The following PPHLN1 variants were observed in gnomAD, a reference collection of about 807,000 sequenced individuals.
The protein encoded by PPHLN1 is periphilin 1.
PPHLN1 carries 29 observed loss-of-function variants against 51.3 expected under a neutral mutation model. The observed-to-expected ratio is 0.57, with a 90% CI of 0.42 to 0.77. The LOEUF (loss-of-function observed/expected upper bound fraction) is 0.77. Among genes scored for constraint, PPHLN1 ranks in the 30% least tolerant of loss-of-function variants. PPHLN1 has a pLI of 0.00. For synonymous variants in PPHLN1, 147 were observed against 147.8 expected, an observed-to-expected ratio of 0.99 and a Z score of 0.04; for missense variants, 436 against 438.4, an observed-to-expected ratio of 0.99 and a Z score of 0.05.
intron 9 of PPHLN1, among the ~76,000 whole-genome samples, chr12:42,407,401 A>C (rs1167305281): frequency 6.6e-6 from 1 of 152,218 alleles, no homozygotes; most frequent in Non-Finnish European, 1.5e-5. Context: ...GCCTCTCCAC[A>C]GCACTTGCTT....
intron 9 of PPHLN1, chr12:42,399,479 A>C (rs2078589356): frequency 1.1e-6 from 1 of 897,192 alleles, no homozygotes; most frequent in African/African-American, 1.8e-5. Flanking sequence ...ATGTGCAACT[A>C]TTATGGGGTT....
intron 2 of PPHLN1, among the ~76,000 whole-genome samples, chr12:42,339,494 C>G (rs146362169): frequency 6.6e-6 from 1 of 152,154 alleles, no homozygotes; most frequent in African/African-American, 2.4e-5. Flanking sequence ...TGTGTTACAC[C>G]TGCATCTTAG....
At chr12:42,428,466 C>T (rs1566015673) in intron 9 of PPHLN1, among the ~76,000 whole-genome samples, 1 of 152,058 alleles carries the variant, frequency 6.6e-6, no homozygotes, top group Non-Finnish European at 1.5e-5. Context: ...TTGGAATGAG[C>T]GGGGTGAGAT....
chr12:42,397,244 A>G (rs1049184038), intron 8 of PPHLN1, among the ~76,000 whole-genome samples: 1 of 152,086 alleles, frequency 6.6e-6, no homozygotes, highest in Non-Finnish European at 1.5e-5. Flanking sequence ...AGTGTTGGAG[A>G]TAATACAACT....
rs1301518004 is a variant in PPHLN1 at position 42,441,585 on chromosome 12, T to A, written c.*76T>A. On this transcript the variant is annotated 3_prime_UTR_variant, in exon 10 of 10. Transcript: ENST00000358314. ...TTTCCTGGATTGTGTAAATCCTTAA[T>A]ATATGGAATTTTTGTGATGCAGAGA... The A allele has an allele frequency of 2.2e-6, 3 of 1,390,964 alleles. No individual in the cohort carries two copies. Among genetic ancestry groups the A allele is most frequent in the Admixed American group, 6.0e-5 (2 of 33,206 alleles). 86.2% of individuals were successfully genotyped at this position (1,390,964 alleles called of 1,614,324 possible). A position where few individuals can be genotyped will look rare whatever the true frequency, so the allele number is the denominator to read the frequency against.
At chr12:42,394,103 A>G in intron 8 of PPHLN1, among the ~76,000 whole-genome samples, 1 of 152,146 alleles carries the variant, frequency 6.6e-6, no homozygotes, top group East Asian at 1.9e-4. Flanking sequence ...AGATTATCTC[A>G]TAAATATCCC....
At chr12:42,429,534 T>A (rs1328273198) in intron 9 of PPHLN1, among the ~76,000 whole-genome samples, 2 of 152,250 alleles carry the variant, frequency 1.3e-5, no homozygotes, top group Non-Finnish European at 2.9e-5. Context: ...GCAACTCCCA[T>A]GATCTTTTAT....
At chr12:42,355,037 T>G in intron 3 of PPHLN1, 124 bp from the exon 4 acceptor site, 1 of 784,748 alleles carries the variant, frequency 1.3e-6, no homozygotes, top group South Asian at 1.5e-5. Context: ...TGCTGAATGT[T>G]TTTCCCTTTT....
chr12:42,427,093 A>T (rs931440464), intron 9 of PPHLN1, among the ~76,000 whole-genome samples: 1 of 152,144 alleles, frequency 6.6e-6, no homozygotes, highest in African/African-American at 2.4e-5. Context: ...TTTTAGCCTT[A>T]GTCAGATCTA....
At chr12:42,423,265 A>G (rs946253825) in intron 9 of PPHLN1, among the ~76,000 whole-genome samples, 1 of 152,162 alleles carries the variant, frequency 6.6e-6, no homozygotes, top group Non-Finnish European at 1.5e-5. Context: ...CCATTTATAT[A>G]TAATAGTATT....
intron 1 of PPHLN1, among the ~76,000 whole-genome samples, chr12:42,330,435 T>C (rs1379971085): frequency 6.6e-6 from 1 of 152,232 alleles, no homozygotes; most frequent in Admixed American, 6.5e-5. Context: ...GGGAGAAACC[T>C]TGGACAATAC....
At chr12:42,350,228 C>CTGCAATCTCA (rs2073090753) in intron 2 of PPHLN1, 1 of 150,016 alleles carries the variant, frequency 6.7e-6, no homozygotes, top group African/African-American at 2.6e-5. Flanking sequence ...CGGGCAGAGG[C>CTGCAATCTCA]GCTCCTCACC....
chr12:42,401,755 T>C (rs1258015720), intron 9 of PPHLN1, among the ~76,000 whole-genome samples: 1 of 152,184 alleles, frequency 6.6e-6, no homozygotes, highest in African/African-American at 2.4e-5. Context: ...AAAAAAGAGC[T>C]GATTATATAT....
intron 9 of PPHLN1, among the ~76,000 whole-genome samples, chr12:42,437,856 C>T (rs2082618402): frequency 1.3e-5 from 2 of 152,108 alleles, no homozygotes; most frequent in South Asian, 2.1e-4. Flanking sequence ...TTCCACTTTC[C>T]CCTGGCAACT....
intron 9 of PPHLN1, among the ~76,000 whole-genome samples, chr12:42,427,997 T>C (rs2081650116): frequency 6.6e-6 from 1 of 151,818 alleles, no homozygotes; most frequent in Non-Finnish European, 1.5e-5. Context: ...CCAAAAAATA[T>C]ATGAAAAAAT....
chr12:42,388,831 A>C (rs982760024), intron 7 of PPHLN1, among the ~76,000 whole-genome samples: 1 of 152,206 alleles, frequency 6.6e-6, no homozygotes, highest in East Asian at 1.9e-4. Context: ...AGTCCTAGCT[A>C]TTCAGGAGGC....
At chr12:42,434,148 T>C (rs981178519) in intron 9 of PPHLN1, among the ~76,000 whole-genome samples, 1 of 152,168 alleles carries the variant, frequency 6.6e-6, no homozygotes, top group Admixed American at 6.6e-5. Flanking sequence ...TTTGTGGAGC[T>C]GGAGACCATT....
In PPHLN1 at chr12:42,384,864, A is replaced by G. The variant is rs558499966; in HGVS notation, c.512-76A>G. 8 of 1,393,266 alleles carry G rather than the reference A, an allele frequency of 5.7e-6. No individual in the cohort carries two copies. The Admixed American group carries it at 8.5e-5, about 15-fold the overall frequency. 86.3% of individuals were successfully genotyped at this position (1,393,266 alleles called of 1,614,324 possible). ...AGAAGCCCCTGTTCTCATCACTCCT[A>G]CTTCTGAGTTCTTCTCTTGTTCCTC... On this transcript the variant is annotated intron_variant, in intron 5 of 9. Transcript: ENST00000358314.
Position 42,438,218 on chromosome 12 carries a change from C to G in PPHLN1, c.910-3097C>G, listed in dbSNP as rs143779132. ...GGGATTGCTGGATTGTATGGTAAGACTGGGTTTTGCTTTGTAAGAAACTGC... is the reference window on the plus strand; with the variant it reads ...GGGATTGCTGGATTGTATGGTAAGAGTGGGTTTTGCTTTGTAAGAAACTGC... On this transcript the variant is annotated intron_variant, in intron 9 of 9. Transcript: ENST00000358314. Among the ~76,000 whole-genome samples the G allele has an allele frequency of 2.6e-5, 4 of 152,222 alleles. No homozygotes were observed. The East Asian group carries it at 7.7e-4, about 29-fold the overall frequency.
Sources: allele counts gnomAD v4.1 joint callset (sites outside exome capture counted in the v4.1 genomes callset), GRCh38; gene constraint gnomAD v4.1.1; transcripts MANE v1.5; gene names NCBI Gene and HGNC (gene_info 2026-07-23, HGNC 2026-07-21).